Variants in KXD1 observed in about 807,000 individuals in gnomAD.
KXD1 encodes the protein KxDL motif containing 1, also known as kxDL motif-containing protein 1.
A neutral mutation model predicts 12.1 loss-of-function variants in KXD1; 5 were observed. The ratio of observed to expected loss-of-function variants is 0.41; its 90% CI spans 0.22 to 0.87. KXD1 has a LOEUF of 0.87. Ranked by LOEUF, KXD1 falls within the 40% of genes least tolerant of loss-of-function variation. The probability of loss-of-function intolerance (pLI) is 0.31; values close to 1 mark genes in which losing one functional copy is unlikely to be tolerated. For synonymous variants in KXD1, 98 were observed against 100.5 expected (o/e 0.98, Z 0.15); for missense variants, 193 against 244.9 (o/e 0.79, Z 1.41).
intron 3 of KXD1, among the ~76,000 whole-genome samples, chr19:18,566,455 C>CA (rs564291660): frequency 0.076 from 8,897 of 116,542 alleles, 433 homozygotes; most frequent in Non-Finnish European, 0.094. Flanking sequence ...GACTCCGTCT[C>CA]AAAAAAAAAA....
At position 18,568,387 on chromosome 19, in the gene KXD1, G is replaced by T; in HGVS notation, c.302-15G>T. The T allele has an allele frequency of 1.2e-6, 2 of 1,601,754 alleles. No individual in the cohort carries two copies. The highest frequency in any genetic ancestry group is 1.3e-5 in the African/African-American group (1 of 74,752). ...GCAAGGTGACAAAACCAACTCTTGGGCCTCCTTCCCCCAGATATCCCAGAG... is the reference window on the plus strand; with the variant it reads ...GCAAGGTGACAAAACCAACTCTTGGTCCTCCTTCCCCCAGATATCCCAGAG... On this transcript the variant is annotated splice_polypyrimidine_tract_variant and intron_variant, in intron 4 of 4. Transcript: ENST00000222307.
chr19:18,567,654 T>C (rs1351780670), intron 4 of KXD1, among the ~76,000 whole-genome samples: 1 of 152,198 alleles, frequency 6.6e-6, no homozygotes, highest in Non-Finnish European at 1.5e-5. Flanking sequence ...CGCATCTGTC[T>C]GGCTAGAGAG....
chr19:18,567,334 G>C, intron 4 of KXD1, 156 bp downstream of exon 4: 2 of 731,582 alleles, frequency 2.7e-6, no homozygotes, highest in Non-Finnish European at 4.8e-6. Flanking sequence ...CAGGGTGCTG[G>C]CCTGGTCCTG....
chr19:18,566,318 A>G (rs1238151193), intron 3 of KXD1, among the ~76,000 whole-genome samples: 1 of 152,080 alleles, frequency 6.6e-6, no homozygotes, highest in Non-Finnish European at 1.5e-5. Flanking sequence ...AATACAAAAA[A>G]TTAGCTGGGC....
chr19:18,562,957 C>T (rs993845987), intron 2 of KXD1, among the ~76,000 whole-genome samples: 3 of 152,262 alleles, frequency 2.0e-5, no homozygotes, highest in Non-Finnish European at 4.4e-5. Context: ...AAGGCTAATA[C>T]CAAGCTTGTC....
chr19:18,563,047 T>G (rs1163867478), intron 2 of KXD1, among the ~76,000 whole-genome samples: 2 of 152,254 alleles, frequency 1.3e-5, no homozygotes, highest in African/African-American at 4.8e-5. Flanking sequence ...GAGATTTTTT[T>G]TGTGATTTTT....
Position 18,568,703 on chromosome 19 carries a change from G to A in KXD1, c.*72G>A. ...AGGTGGCAGCGGGTAACCCTGCCTT[G>A]TTCTGTCATCCAGGGCTCCTTTGCT... On this transcript the variant is annotated 3_prime_UTR_variant, in exon 5 of 5. Coordinates refer to ENST00000222307, the MANE Select transcript of KXD1 (RefSeq NM_024069.4). 2 of 1,188,750 alleles carry A rather than the reference G, an allele frequency of 1.7e-6. No individual in the cohort carries two copies. Among genetic ancestry groups the A allele is most frequent in the Admixed American group, 2.0e-5 (1 of 50,054 alleles). The allele number at this position is 1,188,750 out of a possible 1,614,324, so 73.6% of individuals were successfully genotyped here.
At position 18,563,269 on chromosome 19, in the gene KXD1, G is replaced by A. The variant is rs182839415; in HGVS notation, c.101+1112G>A. Among the ~76,000 whole-genome samples the A allele has an allele frequency of 4.1e-4, 62 of 151,332 alleles. 1 individual carries two copies. Among genetic ancestry groups the A allele is most frequent in the Admixed American group, 7.9e-4 (12 of 15,184 alleles). On this transcript the variant is annotated intron_variant, in intron 2 of 4. Transcript: ENST00000222307. ...TTCTCAGCTGTCACGACACAGTACA[G>A]ACCTGATTTCCTTACCTTTTCTCCC... is the stretch of plus-strand genomic sequence containing the variant.
In KXD1 at chr19:18,565,026, G is replaced by C. The variant is rs1432899747; in HGVS notation, c.254+5G>C. On this transcript the variant is annotated splice_donor_5th_base_variant and intron_variant, in intron 3 of 4. Coordinates refer to ENST00000222307, the MANE Select transcript of KXD1 (RefSeq NM_024069.4). ...CAGCATCTTCCGCCGTATCAGGTGGGTGCTCAGTGCCACCCCAGCCCAGCT... is the reference window on the plus strand; with the variant it reads ...CAGCATCTTCCGCCGTATCAGGTGGCTGCTCAGTGCCACCCCAGCCCAGCT... 2 of 1,569,368 alleles carry C rather than the reference G, an allele frequency of 1.3e-6. No homozygotes were observed. Among genetic ancestry groups the C allele is most frequent in the African/African-American group, 3.3e-5 (2 of 61,388 alleles).
intron 2 of KXD1, among the ~76,000 whole-genome samples, chr19:18,563,884 A>C (rs1975060406): frequency 6.6e-6 from 1 of 151,106 alleles, no homozygotes; most frequent in Non-Finnish European, 1.5e-5. Context: ...AACCTCCTAA[A>C]GTGCTGGTCT....
intron 4 of KXD1, 161 bp downstream of exon 4, chr19:18,567,339 G>C: frequency 2.8e-6 from 2 of 713,148 alleles, no homozygotes; most frequent in South Asian, 3.3e-5. Context: ...TGCTGGCCTG[G>C]TCCTGTCAGC....
chr19:18,565,831 G>A lies in KXD1; in HGVS notation c.254+810G>A, dbSNP rs145542371. On this transcript the variant is annotated intron_variant, in intron 3 of 4. Coordinates refer to ENST00000222307, the MANE Select transcript of KXD1 (RefSeq NM_024069.4). The stretch of plus-strand genomic sequence containing the variant: ...GCCTCCTGAGTAGCTGGGACTACAG[G>A]CGCATGCTGCCACGCCCAGCTGATT... 3.2e-3 allele frequency among the ~76,000 whole-genome samples: 487 copies of A among 152,262 alleles called. 3 individuals are homozygous for A. Among genetic ancestry groups the A allele is most frequent in the African/African-American group, 0.011 (468 of 41,572 alleles).
Position 18,564,851 on chromosome 19 carries a change from C to T in KXD1, c.102-18C>T, listed in dbSNP as rs115645046. 3.3e-4 allele frequency: 530 copies of T among 1,612,774 alleles called. 3 individuals are homozygous for T. The African/African-American group carries it at 6.3e-3, about 19-fold the overall frequency. ...CTGAAGCTGGGCAGTGAAGCTCATG[C>T]CCTCTCTCCACCATCAGGCTGGACC... is the stretch of plus-strand genomic sequence containing the variant. On this transcript the variant is annotated intron_variant, in intron 2 of 4. Transcript: ENST00000222307.
intron 1 of KXD1, chr19:18,561,764 C>T: frequency 3.9e-6 from 1 of 253,670 alleles, no homozygotes; most frequent in Non-Finnish European, 7.6e-6. Flanking sequence ...GTACCTGTGG[C>T]CTTGGGCTCA....
intron 1 of KXD1, chr19:18,559,873 C>CTT (rs1974851524): frequency 6.6e-6 from 1 of 151,956 alleles, no homozygotes; most frequent in African/African-American, 2.4e-5. Context: ...CCCTTTCTTT[C>CTT]TCTTTCCTTT....
chr19:18,568,265 C>CAA (rs397859705), intron 4 of KXD1, 137 bp from the exon 5 acceptor site: 1,381 of 499,758 alleles, frequency 2.8e-3, no homozygotes, highest in African/African-American at 8.9e-3. Context: ...AACTCCGTCT[C>CAA]AAAAAAAAAA....
At chr19:18,568,363 C>A in intron 4 of KXD1, 39 bp from the exon 5 acceptor site, 1 of 1,489,630 alleles carries the variant, frequency 6.7e-7, no homozygotes, top group Non-Finnish European at 9.3e-7. Flanking sequence ...CAGAGCTTGG[C>A]AAGGTGACAA....
intron 4 of KXD1, 30 bp from the exon 5 acceptor site, chr19:18,568,372 A>G (rs958255618): frequency 5.7e-6 from 9 of 1,574,724 alleles, no homozygotes; most frequent in Non-Finnish European, 7.0e-6. Context: ...GCAAGGTGAC[A>G]AAACCAACTC....
At chr19:18,564,723 GAGT>G (rs1975116319) in intron 2 of KXD1, 143 bp from the exon 3 acceptor site, 1 of 862,796 alleles carries the variant, frequency 1.2e-6, no homozygotes, top group East Asian at 2.4e-5. Flanking sequence ...GTGGCTCAAA[GAGT>G]AGGTAGAACT....
Sources: allele counts gnomAD v4.1 joint callset (sites outside exome capture counted in the v4.1 genomes callset), GRCh38; gene constraint gnomAD v4.1.1; transcripts MANE v1.5; gene names NCBI Gene and HGNC (gene_info 2026-07-23, HGNC 2026-07-21).